The following CHL1 variants were observed in gnomAD, a reference collection of about 807,000 sequenced individuals.
CHL1 encodes the protein cell adhesion molecule L1 like, also known as neural cell adhesion molecule L1-like protein.
Under a neutral mutation model 141.9 loss-of-function variants are expected in CHL1, and 96 were observed. That is an observed-to-expected ratio of 0.68 (90% CI 0.57 to 0.80). The LOEUF (loss-of-function observed/expected upper bound fraction) is 0.80. Ranked by LOEUF, CHL1 falls within the 30% of genes least tolerant of loss-of-function variation. The pLI is 0.00. For missense variants in CHL1, 1,820 were observed against 1,457.2 expected, an observed-to-expected ratio of 1.25 and a Z score of -4.05; for synonymous variants, 613 against 502.2, an observed-to-expected ratio of 1.22 and a Z score of -2.95.
At chr3:311,581 G>A (rs1699758194) in intron 2 of CHL1, among the ~76,000 whole-genome samples, 1 of 152,094 alleles carries the variant, frequency 6.6e-6, no homozygotes, top group South Asian at 2.1e-4. Flanking sequence ...ATCACCTGGA[G>A]GAGAGATAGC....
chr3:361,775 C>A lies in CHL1; in HGVS notation c.1383C>A (p.Cys461Ter). The stretch of plus-strand genomic sequence containing the variant: ...TTGGGTACAGTGCTTTCTTACATTG[C>A]GAGTTCTTTGCTTCACCTGAGGCAG... ...TVVGYSAFLH[C>*]EFFASPEAVV... is the part of the protein sequence containing the mutation. Residue 461 changes from cysteine to a stop codon, truncating the protein, a stop_gained, in exon 13 of 28, where the codon TGC (cysteine) becomes TGA (stop). Coordinates refer to ENST00000256509, the MANE Select transcript of CHL1 (RefSeq NM_006614.4). LOFTEE classifies it high-confidence loss of function. 1 of 1,613,410 alleles carries A rather than the reference C, an allele frequency of 6.2e-7. No individual in the cohort carries two copies.
rs548595152 is a variant in CHL1, at chr3:294,218, G to A, written c.-94-25465G>A. 3.3e-5 allele frequency among the ~76,000 whole-genome samples: 5 copies of A among 152,156 alleles called. No homozygotes were observed. In the East Asian group the frequency reaches 9.8e-4, roughly 30 times the overall value. ...CCTGCAGTCTCGGCTACTCAGGAGGGTGAGGTTGGAGAATCACTTGAGCCT... is the reference window on the plus strand; with the variant it reads ...CCTGCAGTCTCGGCTACTCAGGAGGATGAGGTTGGAGAATCACTTGAGCCT... On this transcript the variant is annotated intron_variant, in intron 2 of 27. Transcript: ENST00000256509.
intron 19 of CHL1, among the ~76,000 whole-genome samples, chr3:388,465 T>C (rs895872442): frequency 6.6e-6 from 1 of 151,372 alleles, no homozygotes; most frequent in Non-Finnish European, 1.5e-5. Flanking sequence ...GAGAATCGCT[T>C]GCACCCGGGA....
chr3:341,719 GT>G (rs1702361533), intron 6 of CHL1, among the ~76,000 whole-genome samples, 192 bp from the exon 7 acceptor site: 1 of 152,034 alleles, frequency 6.6e-6, no homozygotes, highest in Admixed American at 6.6e-5. Context: ...CCTCCCAAGG[GT>G]TTTGCTGCTG....
chr3:299,711 C>T (rs1698545350), intron 2 of CHL1, among the ~76,000 whole-genome samples: 1 of 152,162 alleles, frequency 6.6e-6, no homozygotes, highest in Non-Finnish European at 1.5e-5. Flanking sequence ...CCTGTGTGAG[C>T]TCCCCTAGGC....
At chr3:338,158 G>T (rs10490841) in intron 5 of CHL1, among the ~76,000 whole-genome samples, 2 of 152,192 alleles carry the variant, frequency 1.3e-5, no homozygotes, top group East Asian at 3.9e-4. Context: ...TGCTTAGCTA[G>T]ACTGTTATGT....
chr3:341,463 C>T (rs952670930), intron 6 of CHL1, among the ~76,000 whole-genome samples: 21 of 152,112 alleles, frequency 1.4e-4, no homozygotes, highest in African/African-American at 4.1e-4. Flanking sequence ...AGGCTGCAAC[C>T]AGAACAGGGA....
At chr3:279,035 A>G (rs1366296379) in intron 2 of CHL1, among the ~76,000 whole-genome samples, 2 of 152,208 alleles carry the variant, frequency 1.3e-5, no homozygotes, top group South Asian at 2.1e-4. Flanking sequence ...GACGCACGAA[A>G]AAGGGACCCA....
chr3:366,193 G>A (rs922480987), intron 15 of CHL1, 78 bp downstream of exon 15: 7 of 1,405,162 alleles, frequency 5.0e-6, no homozygotes, highest in African/African-American at 2.9e-5. Context: ...GTTCTAGGTC[G>A]GGCATGCTGA....
chr3:349,522 G>A lies in CHL1; in HGVS notation c.1012G>A (p.Asp338Asn), dbSNP rs140839476. ...CAATTTCTTGGGAACAGCCACTCAC[G>A]ATTTTCACGTTATAGTAGAAGGTAC... is the stretch of plus-strand genomic sequence containing the variant. Reference protein sequence around the residue: ...ASNFLGTATHDFHVIVEEPPR... With the variant: ...ASNFLGTATHNFHVIVEEPPR... The change falls in exon 10 of 28, where the codon GAT becomes AAT. Residue 338 changes from aspartate (D) to asparagine (N), a missense_variant. Coordinates refer to ENST00000256509, the MANE Select transcript of CHL1 (RefSeq NM_006614.4). 124 of 1,613,394 alleles carry A rather than the reference G, an allele frequency of 7.7e-5. No individual in the cohort carries two copies. Among genetic ancestry groups the A allele is most frequent in the Non-Finnish European group, 1.0e-4 (120 of 1,179,774 alleles).
chr3:291,456 C>T (rs1393698736), intron 2 of CHL1, among the ~76,000 whole-genome samples: 6 of 146,134 alleles, frequency 4.1e-5, no homozygotes, highest in African/African-American at 7.6e-5. Flanking sequence ...TTTTCTTTTT[C>T]TTTTTCTTTT....
chr3:267,199 A>G (rs904470740), intron 2 of CHL1, among the ~76,000 whole-genome samples: 18 of 152,216 alleles, frequency 1.2e-4, no homozygotes, highest in Non-Finnish European at 2.9e-5. Context: ...CAAATAAGCC[A>G]TGTCATTTTT....
intron 1 of CHL1, among the ~76,000 whole-genome samples, chr3:239,222 G>A (rs1024950641): frequency 6.6e-6 from 1 of 152,152 alleles, no homozygotes; most frequent in Non-Finnish European, 1.5e-5. Flanking sequence ...CAGAGCACCG[G>A]CTAGATCTCA....
intron 2 of CHL1, among the ~76,000 whole-genome samples, chr3:290,890 T>A (rs1046354269): frequency 2.0e-5 from 3 of 148,758 alleles, no homozygotes; most frequent in Non-Finnish European, 4.4e-5. Flanking sequence ...GAGCAGAGAA[T>A]GTACCACTGC....
chr3:368,125 G>GGTATAT (rs1705145900), intron 15 of CHL1, among the ~76,000 whole-genome samples: 1 of 152,150 alleles, frequency 6.6e-6, no homozygotes, highest in African/African-American at 2.4e-5. Flanking sequence ...TAATGTGATT[G>GGTATAT]CTGGGTCAAA....
At chr3:318,101 G>A (rs1264537075) in intron 2 of CHL1, among the ~76,000 whole-genome samples, 6 of 151,614 alleles carry the variant, frequency 4.0e-5, no homozygotes, top group Non-Finnish European at 1.5e-5. Context: ...GAGGTGGGAG[G>A]GTAGTATTTT....
intron 2 of CHL1, among the ~76,000 whole-genome samples, chr3:286,511 T>A (rs1697161383): frequency 6.6e-6 from 1 of 150,526 alleles, no homozygotes; most frequent in Non-Finnish European, 1.5e-5. Context: ...CTTGGGAGGC[T>A]GAGGCAGGAG....
chr3:240,850 G>C (rs1486913673), intron 1 of CHL1, among the ~76,000 whole-genome samples: 2 of 110,684 alleles, frequency 1.8e-5, no homozygotes, highest in African/African-American at 5.3e-5. Flanking sequence ...TGTTAAATAG[G>C]GTGTTCTTTC....
intron 14 of CHL1, among the ~76,000 whole-genome samples, chr3:364,999 T>C (rs1704690220): frequency 6.6e-6 from 1 of 152,258 alleles, no homozygotes; most frequent in Non-Finnish European, 1.5e-5. Context: ...AATAATTCAC[T>C]TAAAATTAAT....
Sources: gnomAD v4.1 joint callset for allele counts (sites outside exome capture counted in the v4.1 genomes callset) on GRCh38, gnomAD v4.1.1 for gene constraint, MANE v1.5 for transcripts, NCBI Gene and HGNC (gene_info 2026-07-23, HGNC 2026-07-21) for gene names.